The following MLF1 variants were observed in gnomAD, a reference collection of about 807,000 sequenced individuals.
MLF1 encodes the protein myelodysplasia-myeloid leukemia factor 1.
A neutral mutation model predicts 38.3 loss-of-function variants in MLF1; 37 were observed. The ratio of observed to expected loss-of-function variants is 0.96; its 90% confidence interval spans 0.74 to 1.27. The LOEUF (loss-of-function observed/expected upper bound fraction) is 1.27, where lower values mean the gene tolerates loss of function less well. MLF1 is among the 50% of genes most tolerant of loss of function. The pLI, the probability that MLF1 is intolerant of heterozygous loss-of-function variation, is 0.00. For missense variants in MLF1, 331 were observed against 349.2 expected (o/e 0.95, Z 0.42); for synonymous variants, 95 against 106.5 (o/e 0.89, Z 0.66).
chr3:158,584,401 C>G (rs1716881807), intron 1 of MLF1, among the ~76,000 whole-genome samples: 1 of 152,018 alleles, frequency 6.6e-6, no homozygotes, highest in South Asian at 2.1e-4. Flanking sequence ...TTTAAAAAAT[C>G]AAAACTCTGG....
At chr3:158,574,064 G>T (rs1714999614) in intron 1 of MLF1, among the ~76,000 whole-genome samples, 1 of 152,120 alleles carries the variant, frequency 6.6e-6, no homozygotes. Context: ...CTCCCAAAAT[G>T]CTGGGATTAC....
rs1291041782 is a variant in MLF1 at position 158,582,771 on chromosome 3, A to G, written c.48-9663A>G. ...ATTATCCTTTAAAAGTCAAGAAGAA[A>G]TAGACTGTCTCAGACAAACAAAAAT... On this transcript the variant is annotated intron_variant, in intron 1 of 7. Coordinates refer to ENST00000466246, the MANE Select transcript of MLF1 (RefSeq NM_001369783.1). 6.8e-6 allele frequency: 4 copies of G among 590,630 alleles called. No homozygotes were observed. The Admixed American group carries it at 1.3e-4, about 20-fold the overall frequency. 36.6% of individuals were successfully genotyped at this position (590,630 alleles called of 1,614,324 possible). A position where few individuals can be genotyped will look rare whatever the true frequency, so the allele number is the denominator to read the frequency against.
intron 6 of MLF1, among the ~76,000 whole-genome samples, chr3:158,601,644 C>T (rs1719771682): frequency 6.6e-6 from 1 of 151,720 alleles, no homozygotes; most frequent in African/African-American, 2.4e-5. Context: ...GTAATCCCAG[C>T]TACTTGGGAG....
In MLF1 at chr3:158,597,400, G is replaced by C. The variant is rs145749268; in HGVS notation, c.324+455G>C. On this transcript the variant is annotated intron_variant, in intron 4 of 7. Transcript: ENST00000466246. ...GATTTGTAGCATCTGAAGAGTTTCAGGGTTTTATAAACGACTCTGAAAACA... is the reference window on the plus strand; with the variant it reads ...GATTTGTAGCATCTGAAGAGTTTCACGGTTTTATAAACGACTCTGAAAACA... 1.5e-4 allele frequency among the ~76,000 whole-genome samples: 23 copies of C among 152,146 alleles called. No individual in the cohort carries two copies. In the East Asian group the frequency reaches 4.3e-3, roughly 28 times the overall value.
chr3:158,592,361 G>A, intron 1 of MLF1, 73 bp from the exon 2 acceptor site: 4 of 1,288,550 alleles, frequency 3.1e-6, no homozygotes, highest in Non-Finnish European at 4.2e-6. Context: ...ATAATTATTT[G>A]TAATATTTAC....
intron 1 of MLF1, 119 bp from the exon 2 acceptor site, chr3:158,592,315 T>C: frequency 1.3e-6 from 1 of 781,916 alleles, no homozygotes. Context: ...AGTTCTCTTC[T>C]ACTCTTCTTT....
At chr3:158,597,044 AAAG>A in intron 4 of MLF1, 99 bp downstream of exon 4, 1 of 668,610 alleles carries the variant, frequency 1.5e-6, no homozygotes, top group Non-Finnish European at 2.6e-6. Flanking sequence ...AGTGGTTAAA[AAAG>A]ATACCTTACA....
chr3:158,572,360 G>A (rs1237218152), intron 1 of MLF1, among the ~76,000 whole-genome samples: 2 of 146,438 alleles, frequency 1.4e-5, no homozygotes, highest in East Asian at 2.1e-4. Flanking sequence ...GTGAGTTGGT[G>A]GGGAGGGTTT....
intron 3 of MLF1, among the ~76,000 whole-genome samples, chr3:158,596,021 C>G (rs564765275): frequency 6.6e-6 from 1 of 152,082 alleles, no homozygotes; most frequent in Non-Finnish European, 1.5e-5. Flanking sequence ...TCAACCTCAG[C>G]CCTACTGTCA....
intron 5 of MLF1, among the ~76,000 whole-genome samples, chr3:158,598,431 G>A (rs138855706): frequency 2.3e-3 from 282 of 124,328 alleles, no homozygotes; most frequent in African/African-American, 8.3e-3. Flanking sequence ...CCACCCCCCC[G>A]TGAGGGTGCC....
At chr3:158,573,440 A>G (rs1463687435) in intron 1 of MLF1, 1 of 148,574 alleles carries the variant, frequency 6.7e-6, no homozygotes, top group Non-Finnish European at 1.5e-5. Context: ...TCAGGTAAGC[A>G]AGTGCCATTC....
At chr3:158,597,292 A>G (rs1719030469) in intron 4 of MLF1, among the ~76,000 whole-genome samples, 1 of 152,050 alleles carries the variant, frequency 6.6e-6, no homozygotes, top group African/African-American at 2.4e-5. Context: ...AAAAACATTG[A>G]TTCTATTGAA....
chr3:158,592,550 GAGGAC>G lies in MLF1; in HGVS notation c.166_170del (p.Gly56Ter). ...GGTAGAGGGAGAGCTCATAATCGTAGAGGACATAATGATGGTGAAGATTCTTTGAC... is the reference window on the plus strand; with the variant it reads ...GGTAGAGGGAGAGCTCATAATCGTAGATAATGATGGTGAAGATTCTTTGAC... On this transcript the variant is annotated frameshift_variant, in exon 2 of 8. Transcript: ENST00000466246. LOFTEE classifies it high-confidence loss of function. 1.2e-6 allele frequency: 2 copies of G among 1,611,720 alleles called. No homozygotes were observed. Among genetic ancestry groups the G allele is most frequent in the Non-Finnish European group, 1.7e-6 (2 of 1,179,406 alleles).
intron 1 of MLF1, among the ~76,000 whole-genome samples, chr3:158,589,138 G>C (rs1294439662): frequency 1.3e-5 from 2 of 152,002 alleles, no homozygotes; most frequent in African/African-American, 4.8e-5. Flanking sequence ...ATGGTAGGGG[G>C]ACCATCTGAT....
At chr3:158,582,877 T>C (rs1242363306) in intron 1 of MLF1, 1 of 692,020 alleles carries the variant, frequency 1.4e-6, no homozygotes, top group South Asian at 1.5e-5. Context: ...ATCATACAAG[T>C]CAGAAACTCT....
At chr3:158,587,358 A>G (rs1717383742) in intron 1 of MLF1, among the ~76,000 whole-genome samples, 1 of 152,206 alleles carries the variant, frequency 6.6e-6, no homozygotes, top group South Asian at 2.1e-4. Flanking sequence ...TACTTGGGGT[A>G]CGAGAAGGGA....
intron 1 of MLF1, among the ~76,000 whole-genome samples, chr3:158,587,366 G>A (rs1283913361): frequency 6.6e-6 from 1 of 152,122 alleles, no homozygotes; most frequent in Non-Finnish European, 1.5e-5. Flanking sequence ...GTACGAGAAG[G>A]GACAGAGACC....
chr3:158,592,364 A>T (rs6771248), intron 1 of MLF1, 70 bp from the exon 2 acceptor site: 4 of 1,340,038 alleles, frequency 3.0e-6, no homozygotes, highest in South Asian at 1.7e-5. Flanking sequence ...ATTATTTGTA[A>T]TATTTACCTG....
At chr3:158,599,485 C>T (rs1719413229) in intron 5 of MLF1, among the ~76,000 whole-genome samples, 1 of 152,134 alleles carries the variant, frequency 6.6e-6, no homozygotes, top group Non-Finnish European at 1.5e-5. Flanking sequence ...GCTAATTAAT[C>T]TCAGACATTT....
Sources: allele counts gnomAD v4.1 joint callset (sites outside exome capture counted in the v4.1 genomes callset), GRCh38; gene constraint gnomAD v4.1.1; transcripts MANE v1.5; gene names NCBI Gene and HGNC (gene_info 2026-07-23, HGNC 2026-07-21).